BNC2: variants seen among roughly 807,000 people sequenced by gnomAD.
The protein encoded by BNC2 is basonuclin zinc finger protein 2.
A neutral mutation model predicts 76.3 loss-of-function variants in BNC2; 20 were observed. That is an observed-to-expected ratio of 0.26 (90% confidence interval 0.18 to 0.38). The LOEUF is 0.38. Among genes scored for constraint, BNC2 ranks in the 10% least tolerant of loss-of-function variants. BNC2 has a pLI of 1.00. For synonymous variants in BNC2, 582 were observed against 514.8 expected (o/e 1.13, Z -1.77); for missense variants, 1,382 against 1,399.8 (o/e 0.99, Z 0.20).
At chr9:16,442,962 G>C (rs530587447) in intron 5 of BNC2, among the ~76,000 whole-genome samples, 37 of 151,052 alleles carry the variant, frequency 2.4e-4, no homozygotes, top group African/African-American at 8.8e-4. Flanking sequence ...AAAAAAATTA[G>C]CCAGGTGTGG....
At chr9:16,673,535 T>C (rs1050184107) in intron 3 of BNC2, among the ~76,000 whole-genome samples, 59 of 151,916 alleles carry the variant, frequency 3.9e-4, no homozygotes, top group African/African-American at 1.4e-3. Flanking sequence ...TATACACAAG[T>C]CCCAGTCAAG....
At chr9:16,774,625 A>G (rs1825914982) in intron 1 of BNC2, among the ~76,000 whole-genome samples, 1 of 152,246 alleles carries the variant, frequency 6.6e-6, no homozygotes, top group Admixed American at 6.5e-5. Flanking sequence ...ATTTACTAAA[A>G]ACATACAAGC....
intron 1 of BNC2, among the ~76,000 whole-genome samples, chr9:16,869,953 A>AAAAC (rs1401428115): frequency 6.6e-6 from 1 of 152,208 alleles, no homozygotes; most frequent in Non-Finnish European, 1.5e-5. Context: ...ACGTGCAAGT[A>AAAAC]AAACAAATCG....
intron 5 of BNC2, among the ~76,000 whole-genome samples, chr9:16,448,018 G>C (rs1456645341): frequency 6.6e-6 from 1 of 152,042 alleles, no homozygotes; most frequent in African/African-American, 2.4e-5. Context: ...GAAAACACTA[G>C]AAACAGGAGG....
Position 16,837,195 on chromosome 9 carries a change from G to A in BNC2, c.3+33451C>T, listed in dbSNP as rs188973480. Among the ~76,000 whole-genome samples, 175 of 152,244 alleles carry A rather than the reference G, an allele frequency of 1.1e-3. 1 individual carries two copies. The Middle Eastern group carries it at 0.031, about 27-fold the overall frequency. On this transcript the variant is annotated intron_variant, in intron 1 of 6. Coordinates refer to ENST00000380672, the MANE Select transcript of BNC2 (RefSeq NM_017637.6). The stretch of plus-strand genomic sequence containing the variant: ...CAGTAATATAAACCTGAAACACTAT[G>A]AAACATAATCTTAGAAAACCATAAT...
At chr9:16,466,002 G>C (rs60663968) in intron 5 of BNC2, among the ~76,000 whole-genome samples, 1 of 127,084 alleles carries the variant, frequency 7.9e-6, no homozygotes, top group African/African-American at 3.1e-5. Flanking sequence ...CAAAATCAAT[G>C]TACAAAAATC....
intron 4 of BNC2, among the ~76,000 whole-genome samples, chr9:16,556,228 T>G (rs1203423157): frequency 6.6e-6 from 1 of 152,076 alleles, no homozygotes; most frequent in Non-Finnish European, 1.5e-5. Flanking sequence ...GGGTCAAGGC[T>G]GCAGTGGAGC....
intron 1 of BNC2, among the ~76,000 whole-genome samples, chr9:16,790,536 C>G: frequency 6.6e-6 from 1 of 152,344 alleles, no homozygotes; most frequent in Non-Finnish European, 1.5e-5. Context: ...CAATTCTAAA[C>G]AAGCATCTTT....
intron 1 of BNC2, among the ~76,000 whole-genome samples, chr9:16,766,046 CA>C (rs1825683683): frequency 6.6e-6 from 1 of 152,126 alleles, no homozygotes; most frequent in African/African-American, 2.4e-5. Flanking sequence ...CTTGGCCTCC[CA>C]AAGTGCTGGG....
At chr9:16,587,246 C>T (rs1819798160) in intron 3 of BNC2, among the ~76,000 whole-genome samples, 2 of 146,922 alleles carry the variant, frequency 1.4e-5, no homozygotes, top group Admixed American at 1.4e-4. Context: ...CAGAGTCTAG[C>T]TCTGTCACCC....
intron 3 of BNC2, among the ~76,000 whole-genome samples, chr9:16,681,290 T>A (rs1488859128): frequency 4.0e-5 from 6 of 151,776 alleles, no homozygotes; most frequent in Non-Finnish European, 7.4e-5. Context: ...CAGGAGAGAG[T>A]CATATGGACC....
At chr9:16,453,753 G>T (rs1821390105) in intron 5 of BNC2, among the ~76,000 whole-genome samples, 1 of 152,160 alleles carries the variant, frequency 6.6e-6, no homozygotes, top group Non-Finnish European at 1.5e-5. Context: ...AGAGGCAGAG[G>T]TTGCAGTGAG....
chr9:16,833,010 C>T (rs1392482752), intron 1 of BNC2, among the ~76,000 whole-genome samples: 1 of 151,968 alleles, frequency 6.6e-6, no homozygotes, highest in Non-Finnish European at 1.5e-5. Context: ...AGGTGTAAGC[C>T]CCCCCGCCCT....
At chr9:16,515,643 T>C (rs1822859657) in intron 5 of BNC2, among the ~76,000 whole-genome samples, 1 of 149,618 alleles carries the variant, frequency 6.7e-6, no homozygotes, top group African/African-American at 2.5e-5. Context: ...CGAAAAAAAA[T>C]CACCTTGATC....
chr9:16,567,819 A>G (rs1386835896), intron 4 of BNC2, among the ~76,000 whole-genome samples: 1 of 152,188 alleles, frequency 6.6e-6, no homozygotes, highest in Non-Finnish European at 1.5e-5. Flanking sequence ...CTGTTCAGGC[A>G]TGGCAGTGTG....
chr9:16,684,919 A>G (rs1007366539), intron 3 of BNC2, among the ~76,000 whole-genome samples: 1 of 151,594 alleles, frequency 6.6e-6, no homozygotes, highest in South Asian at 2.1e-4. Context: ...AAAAAAATGT[A>G]CTTTGCTAAT....
At chr9:16,421,345 GAA>G (rs1563775472) in intron 6 of BNC2, 1 of 1,162,000 alleles carries the variant, frequency 8.6e-7, no homozygotes, top group Non-Finnish European at 1.2e-6. Context: ...GAGAGAGAAA[GAA>G]AGAGAAAGAG....
At chr9:16,638,732 A>G (rs1821400388) in intron 3 of BNC2, among the ~76,000 whole-genome samples, 1 of 152,170 alleles carries the variant, frequency 6.6e-6, no homozygotes, top group African/African-American at 2.4e-5. Context: ...TAAACAGAAA[A>G]TGGCAAACTA....
intron 3 of BNC2, among the ~76,000 whole-genome samples, chr9:16,590,934 G>A (rs1432699596): frequency 2.0e-5 from 3 of 152,236 alleles, no homozygotes; most frequent in African/African-American, 4.8e-5. Flanking sequence ...ACAAACTAAT[G>A]GCTTGCTAGC....
Sources: gnomAD v4.1 joint callset for allele counts (sites outside exome capture counted in the v4.1 genomes callset) on GRCh38, gnomAD v4.1.1 for gene constraint, MANE v1.5 for transcripts, NCBI Gene and HGNC (gene_info 2026-07-23, HGNC 2026-07-21) for gene names.